Variants in TAF3 observed in about 807,000 individuals in gnomAD.
TAF3 encodes the protein TATA-box binding protein associated factor 3.
In TAF3, 7 loss-of-function variants were observed where a neutral mutation model predicts 80.6. That is an observed-to-expected ratio of 0.09 (90% CI 0.05 to 0.16). TAF3 has a LOEUF of 0.16. Among genes scored for constraint, TAF3 ranks in the 10% least tolerant of loss-of-function variants. The probability of loss-of-function intolerance (pLI) is 1.00; values close to 1 mark genes in which losing one functional copy is unlikely to be tolerated. For missense variants in TAF3, 921 were observed against 1,140.2 expected (o/e 0.81, Z 2.77); for synonymous variants, 444 against 446.1 (o/e 1.00, Z 0.06).
At chr10:7,904,770 A>C (rs1837591852) in intron 2 of TAF3, among the ~76,000 whole-genome samples, 1 of 151,808 alleles carries the variant, frequency 6.6e-6, no homozygotes, top group Non-Finnish European at 1.5e-5. Flanking sequence ...CCAGCATTTG[A>C]AACTTGGGGT....
Position 8,014,972 on chromosome 10 carries a change from C to G in TAF3, c.*221C>G. 1 of 424,488 alleles carries G rather than the reference C, an allele frequency of 2.4e-6. No homozygotes were observed. The highest frequency in any genetic ancestry group is 4.3e-6 in the Non-Finnish European group (1 of 232,330). The allele number at this position is 424,488 out of a possible 1,614,324, so 26.3% of individuals were successfully genotyped here. A position where few individuals can be genotyped will look rare whatever the true frequency, so the allele number is the denominator to read the frequency against. ...GCAGTGCGACAGAAGGAAACTCAAG[C>G]AGAGGCGTGGCCTGGGGGCTGCCCC... On this transcript the variant is annotated 3_prime_UTR_variant, in exon 7 of 7. Transcript: ENST00000344293.
intron 2 of TAF3, among the ~76,000 whole-genome samples, chr10:7,847,359 A>G (rs1836982157): frequency 6.6e-6 from 1 of 152,256 alleles, no homozygotes; most frequent in Non-Finnish European, 1.5e-5. Context: ...AACCTAGACC[A>G]TCCTGTTCTG....
chr10:7,940,620 G>C (rs192920482), intron 2 of TAF3, among the ~76,000 whole-genome samples: 2 of 152,262 alleles, frequency 1.3e-5, no homozygotes, highest in Admixed American at 6.5e-5. Context: ...ATTTGAGACA[G>C]TTCTTGTAAA....
At chr10:7,963,308 T>G (rs74846163) in intron 2 of TAF3, among the ~76,000 whole-genome samples, 2,579 of 152,222 alleles carry the variant, frequency 0.017, 75 homozygotes, top group African/African-American at 0.059. Flanking sequence ...GAGAGAGAGA[T>G]AGAGAAAGAT....
intron 2 of TAF3, among the ~76,000 whole-genome samples, chr10:7,883,755 T>G (rs1208254128): frequency 6.6e-6 from 1 of 152,236 alleles, no homozygotes; most frequent in Non-Finnish European, 1.5e-5. Flanking sequence ...CAGACACTTA[T>G]TTTACTCAGT....
intron 2 of TAF3, among the ~76,000 whole-genome samples, chr10:7,891,034 C>T (rs1053351135): frequency 6.6e-6 from 1 of 152,128 alleles, no homozygotes; most frequent in Non-Finnish European, 1.5e-5. Flanking sequence ...GAATTGGGGC[C>T]CCGCCCTTTG....
At chr10:7,877,040 T>TTC (rs986935535) in intron 2 of TAF3, among the ~76,000 whole-genome samples, 3 of 152,070 alleles carry the variant, frequency 2.0e-5, no homozygotes, top group Non-Finnish European at 4.4e-5. Context: ...TTTTTTTTTT[T>TTC]TCCTAATGGA....
intron 2 of TAF3, among the ~76,000 whole-genome samples, chr10:7,937,735 A>C (rs1837934820): frequency 6.6e-6 from 1 of 152,232 alleles, no homozygotes; most frequent in Admixed American, 6.5e-5. Flanking sequence ...TAGTCACAGC[A>C]CCTAACATTT....
At chr10:7,998,443 A>G (rs1418011560) in intron 4 of TAF3, among the ~76,000 whole-genome samples, 1 of 152,114 alleles carries the variant, frequency 6.6e-6, no homozygotes, top group African/African-American at 2.4e-5. Context: ...TTAACTATTA[A>G]CCCATAAAAT....
chr10:7,920,639 T>TC (rs1837755091), intron 2 of TAF3, among the ~76,000 whole-genome samples: 1 of 152,214 alleles, frequency 6.6e-6, no homozygotes, highest in East Asian at 1.9e-4. Flanking sequence ...CCCTTATCTT[T>TC]ACTTGATATA....
At chr10:7,837,761 C>G (rs893940144) in intron 2 of TAF3, among the ~76,000 whole-genome samples, 1 of 151,988 alleles carries the variant, frequency 6.6e-6, no homozygotes, top group Non-Finnish European at 1.5e-5. Flanking sequence ...GAGGTTGAGG[C>G]TGAGGCTGCA....
At chr10:7,876,517 C>G (rs1226385572) in intron 2 of TAF3, among the ~76,000 whole-genome samples, 1 of 152,060 alleles carries the variant, frequency 6.6e-6, no homozygotes, top group Non-Finnish European at 1.5e-5. Flanking sequence ...AGCAGGAGTT[C>G]CTGTAATGCT....
chr10:7,862,802 CT>C (rs1221133344), intron 2 of TAF3, among the ~76,000 whole-genome samples: 1 of 151,922 alleles, frequency 6.6e-6, no homozygotes, highest in Non-Finnish European at 1.5e-5. Flanking sequence ...TTGGTCTGGC[CT>C]TTTTTCACCA....
chr10:7,910,370 A>T (rs1029815814), intron 2 of TAF3, among the ~76,000 whole-genome samples: 1 of 152,024 alleles, frequency 6.6e-6, no homozygotes, highest in Non-Finnish European at 1.5e-5. Context: ...CTACTTTATA[A>T]ATTTTATTTT....
intron 3 of TAF3, among the ~76,000 whole-genome samples, chr10:7,969,307 C>T (rs775791400): frequency 2.0e-5 from 3 of 151,874 alleles, no homozygotes; most frequent in Non-Finnish European, 4.4e-5. Context: ...AAAAAAAAGA[C>T]ATGTTAAGAG....
chr10:7,869,301 A>C (rs910307660), intron 2 of TAF3, among the ~76,000 whole-genome samples: 1 of 151,714 alleles, frequency 6.6e-6, no homozygotes, highest in Non-Finnish European at 1.5e-5. Context: ...TGGAGGCAGG[A>C]GTGTAGAGAC....
intron 4 of TAF3, among the ~76,000 whole-genome samples, chr10:7,992,500 G>GCACATTTTCCCCTAAGAAATTTCCGTAGT (rs1554788408): frequency 6.6e-6 from 1 of 152,042 alleles, no homozygotes; most frequent in South Asian, 2.1e-4. Context: ...AGTTCAAGGT[G>GCACATTTTCCCCTAAGAAATTTCCGTAGT]ATTACTCCCA....
chr10:7,837,611 C>T (rs1170999221), intron 2 of TAF3, among the ~76,000 whole-genome samples: 1 of 152,120 alleles, frequency 6.6e-6, no homozygotes, highest in Non-Finnish European at 1.5e-5. Flanking sequence ...CCAGTGTACT[C>T]CAGCCTGGGC....
intron 2 of TAF3, among the ~76,000 whole-genome samples, chr10:7,948,065 ATT>A (rs148895542): frequency 7.0e-5 from 10 of 143,184 alleles, no homozygotes; most frequent in Non-Finnish European, 1.1e-4. Context: ...TATGACTCTG[ATT>A]TTTTTTTTTT....
Sources: allele counts gnomAD v4.1 joint callset (sites outside exome capture counted in the v4.1 genomes callset), GRCh38; gene constraint gnomAD v4.1.1; transcripts MANE v1.5; gene names NCBI Gene and HGNC (gene_info 2026-07-23, HGNC 2026-07-21).